The following DCLK1 variants were observed in gnomAD, a reference collection of about 807,000 sequenced individuals.
DCLK1 encodes serine/threonine-protein kinase DCLK1.
Under a neutral mutation model 86.2 loss-of-function variants are expected in DCLK1, and 16 were observed. That is an observed-to-expected ratio of 0.19 (90% CI 0.13 to 0.28). DCLK1 has a LOEUF of 0.28. Among genes scored for constraint, DCLK1 ranks in the 10% least tolerant of loss-of-function variants. The pLI is 1.00. For missense variants in DCLK1, 590 were observed against 940.2 expected (o/e 0.63, Z 4.87); for synonymous variants, 369 against 370.5 (o/e 1.00, Z 0.05).
chr13:36,028,848 T>C lies in DCLK1; in HGVS notation c.724-81391A>G, dbSNP rs537928313. Among the ~76,000 whole-genome samples, 14 of 152,264 alleles carry C rather than the reference T, an allele frequency of 9.2e-5. No individual in the cohort carries two copies. In the South Asian group the frequency reaches 1.0e-3, roughly 11 times the overall value. On this transcript the variant is annotated intron_variant, in intron 3 of 16. Transcript: ENST00000360631. ...AATGCATTAGCATGTTAAGAGAAAA[T>C]TCCATCAGTGCCATGACATTTTATA...
At chr13:35,953,338 C>T (rs2153134814) in intron 3 of DCLK1, among the ~76,000 whole-genome samples, 1 of 152,050 alleles carries the variant, frequency 6.6e-6, no homozygotes, top group Middle Eastern at 3.4e-3. Flanking sequence ...TATCATGCAC[C>T]CTCACATTTG....
At chr13:35,814,566 A>C (rs1185812400) in intron 11 of DCLK1, among the ~76,000 whole-genome samples, 1 of 152,176 alleles carries the variant, frequency 6.6e-6, no homozygotes, top group Non-Finnish European at 1.5e-5. Flanking sequence ...TTTTGCCATA[A>C]CTGTATTTTA....
At chr13:36,113,453 T>A (rs901847257) in intron 2 of DCLK1, among the ~76,000 whole-genome samples, 2 of 152,216 alleles carry the variant, frequency 1.3e-5, no homozygotes, top group Non-Finnish European at 2.9e-5. Flanking sequence ...TCATGACTTG[T>A]CTCAGCTATG....
chr13:36,074,492 A>G (rs1884103916), intron 3 of DCLK1, among the ~76,000 whole-genome samples: 3 of 41,028 alleles, frequency 7.3e-5, no homozygotes, highest in Admixed American at 3.0e-4. Flanking sequence ...AAAAAAAAAA[A>G]AAAAAAAAAA....
chr13:35,790,549 T>G (rs1235164783), intron 16 of DCLK1, among the ~76,000 whole-genome samples: 1 of 152,320 alleles, frequency 6.6e-6, no homozygotes. Flanking sequence ...TTAAAATACA[T>G]TATTTTATAG....
chr13:35,779,300 A>T (rs7999483), intron 16 of DCLK1, among the ~76,000 whole-genome samples: 11 of 152,052 alleles, frequency 7.2e-5, no homozygotes, highest in Non-Finnish European at 2.9e-5. Flanking sequence ...TGAAGACTTG[A>T]TCAAATTTTA....
intron 3 of DCLK1, among the ~76,000 whole-genome samples, chr13:36,004,707 C>T (rs766015775): frequency 6.6e-6 from 1 of 152,104 alleles, no homozygotes; most frequent in Non-Finnish European, 1.5e-5. Context: ...TCCCAAGTAG[C>T]TGGGACTACA....
At chr13:35,890,639 T>C (rs1450830264) in intron 4 of DCLK1, among the ~76,000 whole-genome samples, 3 of 152,164 alleles carry the variant, frequency 2.0e-5, no homozygotes, top group Non-Finnish European at 4.4e-5. Flanking sequence ...GTCTTTAAAA[T>C]TTTGACAGAT....
intron 4 of DCLK1, among the ~76,000 whole-genome samples, chr13:35,886,163 C>A (rs1341878590): frequency 1.3e-5 from 2 of 151,992 alleles, no homozygotes; most frequent in Non-Finnish European, 2.9e-5. Context: ...AGGCACATGC[C>A]ACCATGCCTG....
chr13:36,092,549 G>C (rs1404411785), intron 3 of DCLK1, among the ~76,000 whole-genome samples: 2 of 142,390 alleles, frequency 1.4e-5, no homozygotes, highest in Non-Finnish European at 3.0e-5. Flanking sequence ...TGCAGTGGCG[G>C]GATCTCGGCT....
At chr13:35,894,591 A>C (rs1482195515) in intron 4 of DCLK1, among the ~76,000 whole-genome samples, 1 of 152,208 alleles carries the variant, frequency 6.6e-6, no homozygotes, top group Admixed American at 6.5e-5. Context: ...AGGAAGCAGC[A>C]TGTGGAAAGA....
chr13:36,131,867 C>A (rs9531480), upstream of DCLK1, among the ~76,000 whole-genome samples: 40,146 of 152,132 alleles, frequency 0.26, 5,783 homozygotes, highest in East Asian at 0.41. Context: ...CCACGCAGTG[C>A]CTCTTCGGAT....
chr13:35,872,085 C>G (rs1418745538), intron 4 of DCLK1, among the ~76,000 whole-genome samples: 1 of 152,172 alleles, frequency 6.6e-6, no homozygotes, highest in Non-Finnish European at 1.5e-5. Context: ...CTATTTCTCT[C>G]TTAGTGAGCT....
At chr13:36,013,510 G>C (rs948468417) in intron 3 of DCLK1, among the ~76,000 whole-genome samples, 4 of 152,284 alleles carry the variant, frequency 2.6e-5, no homozygotes, top group South Asian at 2.1e-4. Context: ...GTGTGCCCCT[G>C]CTGGGGGGTG....
Position 36,094,271 on chromosome 13 carries a change from T to A in DCLK1, c.723+17598A>T. Among the ~76,000 whole-genome samples the A allele has an allele frequency of 2.6e-5, 4 of 152,358 alleles. No homozygotes were observed. In the Middle Eastern group the frequency reaches 0.01, roughly 389 times the overall value. On this transcript the variant is annotated intron_variant, in intron 3 of 16. Coordinates refer to ENST00000360631, the MANE Select transcript of DCLK1 (RefSeq NM_001330071.2). ...TTATCATTGTATTTTCTTTTTATTA[T>A]TATTTTCTTAAATGCTAGAAACACC... is the stretch of plus-strand genomic sequence containing the variant.
intron 3 of DCLK1, among the ~76,000 whole-genome samples, chr13:36,012,051 C>T (rs563823718): frequency 0.015 from 2,147 of 142,658 alleles, 31 homozygotes; most frequent in Middle Eastern, 0.049. Context: ...GATTGCAACC[C>T]CTGCCTTTTT....
chr13:36,114,161 A>G (rs559138375), intron 2 of DCLK1, among the ~76,000 whole-genome samples: 8 of 152,372 alleles, frequency 5.3e-5, no homozygotes, highest in African/African-American at 1.9e-4. Context: ...TTTAAAGAAC[A>G]TAGCAACATG....
intron 4 of DCLK1, among the ~76,000 whole-genome samples, chr13:35,892,398 C>A (rs1219918122): frequency 6.6e-6 from 1 of 152,166 alleles, no homozygotes; most frequent in Non-Finnish European, 1.5e-5. Flanking sequence ...TCTCTTTCCA[C>A]AAATCCGAAA....
chr13:36,043,435 C>G (rs1882764404), intron 3 of DCLK1, among the ~76,000 whole-genome samples: 1 of 151,822 alleles, frequency 6.6e-6, no homozygotes, highest in Admixed American at 6.6e-5. Flanking sequence ...GGTTCAACAT[C>G]TGACTTATAC....
Sources: allele counts gnomAD v4.1 joint callset (sites outside exome capture counted in the v4.1 genomes callset), GRCh38; gene constraint gnomAD v4.1.1; transcripts MANE v1.5; gene names NCBI Gene and HGNC (gene_info 2026-07-23, HGNC 2026-07-21).